Variants in VPS13A observed in about 807,000 individuals in gnomAD.
VPS13A encodes vacuolar protein sorting 13 homolog A.
In VPS13A, 264 loss-of-function variants were observed where a neutral mutation model predicts 390.9. The ratio of observed to expected loss-of-function variants is 0.68; its 90% confidence interval spans 0.61 to 0.75. The LOEUF is 0.75. Ranked by LOEUF, VPS13A falls within the 30% of genes least tolerant of loss-of-function variation. The pLI is 0.00. For synonymous variants in VPS13A, 1,231 were observed against 1,227.1 expected, an observed-to-expected ratio of 1.00 and a Z score of -0.07; for missense variants, 3,409 against 3,733.9, an observed-to-expected ratio of 0.91 and a Z score of 2.27.
chr9:77,384,631 GTGATGATGATGATGATGA>G, intron 68 of VPS13A: 2 of 1,606,044 alleles, frequency 1.2e-6, no homozygotes, highest in South Asian at 1.1e-5. Flanking sequence ...AGTAGCAGTA[GTGATGATGATGATGATGA>G]TGATGATGAT....
intron 71 of VPS13A, among the ~76,000 whole-genome samples, chr9:77,408,498 C>T (rs1052104787): frequency 6.6e-6 from 1 of 152,196 alleles, no homozygotes; most frequent in Non-Finnish European, 1.5e-5. Flanking sequence ...CGAGGCATCA[C>T]CTCACCCAGG....
intron 69 of VPS13A, among the ~76,000 whole-genome samples, chr9:77,405,513 A>G (rs1483860440): frequency 6.6e-6 from 1 of 152,214 alleles, no homozygotes; most frequent in African/African-American, 2.4e-5. Flanking sequence ...CCCATTGAGC[A>G]TTATGTTAGC....
At chr9:77,191,022 C>T (rs1212497313) in intron 1 of VPS13A, among the ~76,000 whole-genome samples, 2 of 151,300 alleles carry the variant, frequency 1.3e-5, no homozygotes, top group Non-Finnish European at 2.9e-5. Flanking sequence ...TTCAAGGAAC[C>T]ATCTTTTGTA....
In VPS13A at chr9:77,273,228, G is replaced by A. The variant is rs73654008; in HGVS notation, c.2428-52G>A. On this transcript the variant is annotated intron_variant, in intron 23 of 71. Coordinates refer to ENST00000360280, the MANE Select transcript of VPS13A (RefSeq NM_033305.3). ...CTTTGAATAAACATTTTTTGAATAA[G>A]CGGTGAATAAACATTTTTGTGCTAA... The A allele has an allele frequency of 2.4e-3, 3,323 of 1,363,766 alleles. 67 individuals carry two copies. In the African/African-American group the frequency reaches 0.043, roughly 18 times the overall value. 84.5% of individuals were successfully genotyped at this position (1,363,766 alleles called of 1,614,324 possible).
rs543283094 is a variant in VPS13A at position 77,260,757 on chromosome 9, A to G, written c.2427+533A>G. On this transcript the variant is annotated intron_variant, in intron 23 of 71. Transcript: ENST00000360280. Reference sequence around the variant, plus strand: ...ACTTTTCTAATTTCTGCAGCCTCCAATCCCTCTCCTGAGCAATAACACTGT... The same window carrying G: ...ACTTTTCTAATTTCTGCAGCCTCCAGTCCCTCTCCTGAGCAATAACACTGT... Among the ~76,000 whole-genome samples, 15 of 152,232 alleles carry G rather than the reference A, an allele frequency of 9.9e-5. No homozygotes were observed. The South Asian group carries it at 1.2e-3, about 13-fold the overall frequency.
In VPS13A at chr9:77,332,017, A is replaced by C. The variant is rs1830300815; in HGVS notation, c.5999A>C (p.Asn2000Thr). The change falls in exon 46 of 72, where the codon AAT becomes ACT. Residue 2000 changes from asparagine (N) to threonine (T), a missense_variant. Asn to Thr is a moderately conservative substitution (Grantham distance 65, BLOSUM62 0). Coordinates refer to ENST00000360280, the MANE Select transcript of VPS13A (RefSeq NM_033305.3). The part of the protein sequence containing the change: ...VTIRSPVQIR[N>T]HFSVPLSVYE... The stretch of plus-strand genomic sequence containing the variant: ...TTTGTTTTTCTTTCCCAGATAAGAA[A>C]TCATTTTTCAGTCCCACTGTCTGTT... 1 of 1,608,056 alleles carries C rather than the reference A, an allele frequency of 6.2e-7. No homozygotes were observed. The highest frequency in any genetic ancestry group is 1.3e-5 in the African/African-American group (1 of 74,936).
At chr9:77,225,876 ATGTAAAGTTATTTT>A in intron 13 of VPS13A, 36 bp from the exon 14 acceptor site, 1 of 1,420,232 alleles carries the variant, frequency 7.0e-7, no homozygotes, top group South Asian at 1.2e-5. Flanking sequence ...TAAGTTAATT[ATGTAAAGTTATTTT>A]TGTAAAGTTA....
chr9:77,370,995 G>C (rs746346892), intron 66 of VPS13A, 31 bp from the exon 67 acceptor site: 3 of 1,614,086 alleles, frequency 1.9e-6, no homozygotes, highest in East Asian at 2.2e-5. Context: ...ATTCTTGGAT[G>C]CAATTGTCAA....
rs1455417417 is a variant in VPS13A, at chr9:77,240,522, G to C, written c.1900+2136G>C. Among the ~76,000 whole-genome samples the C allele has an allele frequency of 2.7e-5, 4 of 147,030 alleles. No individual in the cohort carries two copies. The East Asian group carries it at 8.0e-4, about 29-fold the overall frequency. ...GACAGTGTCTTGTTCTGTCAGCCAGGCTGGGGGTGCGGTGGCATAATCTCG... is the reference window on the plus strand; with the variant it reads ...GACAGTGTCTTGTTCTGTCAGCCAGCCTGGGGGTGCGGTGGCATAATCTCG... On this transcript the variant is annotated intron_variant, in intron 19 of 71. Coordinates refer to ENST00000360280, the MANE Select transcript of VPS13A (RefSeq NM_033305.3).
At chr9:77,376,921 G>A (rs1833109972) in intron 67 of VPS13A, among the ~76,000 whole-genome samples, 2 of 152,114 alleles carry the variant, frequency 1.3e-5, no homozygotes, top group South Asian at 4.2e-4. Context: ...CAGAAAAGGA[G>A]GCTAAAAAGA....
At chr9:77,272,267 C>T (rs763041826) in intron 23 of VPS13A, among the ~76,000 whole-genome samples, 8 of 152,180 alleles carry the variant, frequency 5.3e-5, no homozygotes, top group Non-Finnish European at 8.8e-5. Context: ...AGAAACTGTG[C>T]TGCTGGTGTT....
Position 77,403,907 on chromosome 9 carries a change from C to T in VPS13A, c.9275+586C>T, listed in dbSNP as rs939757542. On this transcript the variant is annotated intron_variant, in intron 69 of 71. Transcript: ENST00000360280. ...CTCTGGGTGGTGGAGAGTGAAAATA[C>T]GGCTAGCAGGGAGAAGTTAGAGCTA... is the stretch of plus-strand genomic sequence containing the variant. 1.6e-4 allele frequency among the ~76,000 whole-genome samples: 24 copies of T among 152,118 alleles called. 1 individual carries two copies. The highest frequency in any genetic ancestry group is 4.8e-4 in the African/African-American group (20 of 41,492).
intron 38 of VPS13A, among the ~76,000 whole-genome samples, chr9:77,315,919 A>T (rs1401159102): frequency 4.6e-5 from 7 of 151,996 alleles, no homozygotes; most frequent in African/African-American, 1.7e-4. Context: ...TAGTAGAAAG[A>T]GTATCAAGTT....
chr9:77,192,561 A>G (rs1027799586), intron 1 of VPS13A, among the ~76,000 whole-genome samples: 2 of 152,078 alleles, frequency 1.3e-5, no homozygotes, highest in Non-Finnish European at 2.9e-5. Flanking sequence ...CTTAGCATTT[A>G]CTTGTCTGAA....
chr9:77,196,211 A>G (rs1285643435), intron 1 of VPS13A, among the ~76,000 whole-genome samples: 1 of 151,622 alleles, frequency 6.6e-6, no homozygotes, highest in African/African-American at 2.4e-5. Flanking sequence ...TTTAATTGAC[A>G]TGTATTGTGC....
intron 3 of VPS13A, among the ~76,000 whole-genome samples, chr9:77,204,795 T>G (rs1271297250): frequency 6.6e-6 from 1 of 152,058 alleles, no homozygotes; most frequent in Admixed American, 6.5e-5. Flanking sequence ...TGGCTAATTT[T>G]TTTAGTTTTT....
At chr9:77,273,809 C>T (rs1003299906) in intron 24 of VPS13A, among the ~76,000 whole-genome samples, 46 of 152,070 alleles carry the variant, frequency 3.0e-4, no homozygotes, top group Non-Finnish European at 8.8e-5. Flanking sequence ...AGTCATCTTC[C>T]CTGGTACAGA....
chr9:77,361,801 C>A (rs1832154746), intron 59 of VPS13A, among the ~76,000 whole-genome samples: 1 of 151,924 alleles, frequency 6.6e-6, no homozygotes, highest in Non-Finnish European at 1.5e-5. Context: ...CATATTATCC[C>A]CAACACTTGT....
At chr9:77,200,334 A>G (rs1030138307) in intron 2 of VPS13A, among the ~76,000 whole-genome samples, 1 of 152,064 alleles carries the variant, frequency 6.6e-6, no homozygotes, top group Non-Finnish European at 1.5e-5. Flanking sequence ...TAAAAATGCA[A>G]AAAGCTTCGC....
Sources: gnomAD v4.1 joint callset for allele counts (sites outside exome capture counted in the v4.1 genomes callset) on GRCh38, gnomAD v4.1.1 for gene constraint, MANE v1.5 for transcripts, NCBI Gene and HGNC (gene_info 2026-07-23, HGNC 2026-07-21) for gene names.